The following DNAAF4 variants were observed in gnomAD, a reference collection of about 807,000 sequenced individuals.
DNAAF4 encodes dynein assembly factor 4, axonemal.
A neutral mutation model predicts 51.8 loss-of-function variants in DNAAF4; 43 were observed. The observed-to-expected ratio is 0.83, with a 90% confidence interval of 0.65 to 1.07. The LOEUF (loss-of-function observed/expected upper bound fraction) is 1.07, where lower values mean the gene tolerates loss of function less well. Ranked by LOEUF, DNAAF4 falls within the 50% of genes least tolerant of loss-of-function variation. The probability of loss-of-function intolerance (pLI) is 0.00; values close to 1 mark genes in which losing one functional copy is unlikely to be tolerated. For synonymous variants in DNAAF4, 194 were observed against 165.6 expected, an observed-to-expected ratio of 1.17 and a Z score of -1.32; for missense variants, 581 against 493.0, an observed-to-expected ratio of 1.18 and a Z score of -1.69.
chr15:55,471,269 C>T (rs2058251433), intron 4 of DNAAF4, among the ~76,000 whole-genome samples: 1 of 152,078 alleles, frequency 6.6e-6, no homozygotes, highest in Admixed American at 6.6e-5. Flanking sequence ...CAGCCACCAC[C>T]CAAGAGCCCA....
chr15:55,495,456 G>T (rs1011469606), intron 3 of DNAAF4, among the ~76,000 whole-genome samples: 1 of 152,120 alleles, frequency 6.6e-6, no homozygotes, highest in South Asian at 2.1e-4. Context: ...CCAGGCAGTA[G>T]TCTGGGTGCA....
Position 55,466,947 on chromosome 15 carries a change from C to G in DNAAF4, c.620G>C (p.Arg207Thr). The G allele has an allele frequency of 6.3e-7, 1 of 1,584,176 alleles. No homozygotes were observed. ...CATTTTACCTTTTGGAGCAAGATTT[C>G]TAGATGCCAAATTTCTAGTAAGACT... is the stretch of plus-strand genomic sequence containing the variant. Reference protein sequence around the residue: ...YKSLTRNLASRNLAPKGRNSE... With the variant: ...YKSLTRNLASTNLAPKGRNSE... The change falls in exon 5 of 10, where the codon AGA becomes ACA. Residue 207 changes from arginine (R) to threonine (T), a missense_variant. By Grantham distance (71) the Arg-to-Thr change is moderately conservative. Transcript: ENST00000321149.
Position 55,497,726 on chromosome 15 carries a change from A to T in DNAAF4, c.257T>A (p.Leu86His), listed in dbSNP as rs745719046. 2.5e-6 allele frequency: 4 copies of T among 1,608,638 alleles called. No individual in the cohort carries two copies. The highest frequency in any genetic ancestry group is 1.7e-5 in the Admixed American group (1 of 58,506). ...YKKEAAMWET[L>H]SVTGVDKEMM... Reference sequence around the variant, plus strand: ...AAAGAACTTACCACCCGTCACAGAAAGGGTCTCCCACATGGCCGCTTCTTT... The same window carrying T: ...AAAGAACTTACCACCCGTCACAGAATGGGTCTCCCACATGGCCGCTTCTTT... Residue 86 changes from leucine to histidine, a missense_variant, in exon 3 of 10, where the codon CTT (leucine) becomes CAT (histidine). Leu to His is a moderately conservative substitution (Grantham distance 99). Transcript: ENST00000321149.
intron 7 of DNAAF4, chr15:55,418,157 C>T (rs751635011): frequency 6.4e-7 from 1 of 1,565,104 alleles, no homozygotes; most frequent in Non-Finnish European, 8.6e-7. Context: ...GTGGGTGGGA[C>T]TGAATTAAAT....
chr15:55,428,498 T>TC (rs1566997213), downstream of DNAAF4, among the ~76,000 whole-genome samples: 1 of 134,618 alleles, frequency 7.4e-6, no homozygotes, highest in Non-Finnish European at 1.6e-5. Context: ...TTTTTTTTTT[T>TC]TTTTTTTTTT....
chr15:55,436,902 C>A (rs779046539), intron 7 of DNAAF4, among the ~76,000 whole-genome samples: 1 of 152,018 alleles, frequency 6.6e-6, no homozygotes, highest in Non-Finnish European at 1.5e-5. Flanking sequence ...TTCACCGCAA[C>A]CTCCACCTCC....
intron 4 of DNAAF4, among the ~76,000 whole-genome samples, chr15:55,482,811 CA>C (rs1358348699): frequency 6.6e-6 from 1 of 152,154 alleles, no homozygotes; most frequent in Non-Finnish European, 1.5e-5. Context: ...AATGGATAAA[CA>C]AAATGTGGTG....
At chr15:55,454,472 G>A (rs938884051) in intron 5 of DNAAF4, among the ~76,000 whole-genome samples, 1 of 151,836 alleles carries the variant, frequency 6.6e-6, no homozygotes, top group Admixed American at 6.6e-5. Context: ...CTGCCTCCCG[G>A]GTTCAAGCAA....
At chr15:55,492,002 G>A (rs191591417) in intron 3 of DNAAF4, among the ~76,000 whole-genome samples, 441 of 150,774 alleles carry the variant, frequency 2.9e-3, no homozygotes, top group African/African-American at 0.01. Context: ...GACTACAGGT[G>A]TGTGCCAACA....
chr15:55,467,918 T>C (rs947268955), intron 4 of DNAAF4, among the ~76,000 whole-genome samples: 1 of 152,130 alleles, frequency 6.6e-6, no homozygotes, highest in Admixed American at 6.6e-5. Context: ...GAGTACCTAG[T>C]TGGTGTACAT....
At chr15:55,442,635 T>A in intron 6 of DNAAF4, 1 of 1,527,588 alleles carries the variant, frequency 6.5e-7, no homozygotes, top group South Asian at 1.1e-5. Context: ...CAGCTCTTTA[T>A]GTCAGACTTT....
intron 5 of DNAAF4, among the ~76,000 whole-genome samples, chr15:55,460,141 A>G (rs933664340): frequency 2.0e-5 from 3 of 151,320 alleles, no homozygotes; most frequent in Non-Finnish European, 2.9e-5. Context: ...TGCACCTAAC[A>G]CTAGAACTCT....
At chr15:55,479,788 G>T (rs963023103) in intron 4 of DNAAF4, among the ~76,000 whole-genome samples, 1 of 152,070 alleles carries the variant, frequency 6.6e-6, no homozygotes, top group Non-Finnish European at 1.5e-5. Flanking sequence ...TTGAGATAAG[G>T]ACTGAGATAC....
chr15:55,440,683 A>G (rs1415396768), intron 6 of DNAAF4, among the ~76,000 whole-genome samples: 4 of 5,438 alleles, frequency 7.4e-4, no homozygotes, highest in Non-Finnish European at 3.9e-3. Context: ...ATACATTATT[A>G]AACTTTTTTT....
At chr15:55,465,484 C>T (rs1238887325) in intron 5 of DNAAF4, among the ~76,000 whole-genome samples, 2 of 151,532 alleles carry the variant, frequency 1.3e-5, no homozygotes, top group Admixed American at 6.6e-5. Context: ...ATGGCATTCT[C>T]GGCAACCTGG....
chr15:55,497,589 G>C (rs2058657523), intron 3 of DNAAF4, 123 bp downstream of exon 3: 1 of 1,162,880 alleles, frequency 8.6e-7, no homozygotes, highest in Non-Finnish European at 1.2e-6. Context: ...GACAGAGCAA[G>C]ACTCTTAAAA....
intron 4 of DNAAF4, among the ~76,000 whole-genome samples, chr15:55,472,337 C>T (rs1416376542): frequency 6.6e-6 from 1 of 151,980 alleles, no homozygotes; most frequent in Admixed American, 6.6e-5. Context: ...GGACTGGAGG[C>T]CCGGGGGCAG....
chr15:55,449,114 C>T (rs547057363), intron 6 of DNAAF4, among the ~76,000 whole-genome samples: 8 of 150,156 alleles, frequency 5.3e-5, no homozygotes, highest in African/African-American at 1.9e-4. Context: ...CTCAGCCTCC[C>T]GAGTAGCTGG....
Position 55,501,159 on chromosome 15 carries a change from G to A in DNAAF4, c.-255-2575C>T, listed in dbSNP as rs573827226. 6.5e-4 allele frequency among the ~76,000 whole-genome samples: 98 copies of A among 150,744 alleles called. 1 individual carries two copies. The highest frequency in any genetic ancestry group is 2.4e-3 in the East Asian group (12 of 4,922). On this transcript the variant is annotated intron_variant, in intron 1 of 9. Transcript: ENST00000321149. ...GCTCACTGCAACCTCCACCTCCGGG[G>A]TTCAAGCGATTCTCCTGCCTCAGCC...
Sources: gnomAD v4.1 joint callset for allele counts (sites outside exome capture counted in the v4.1 genomes callset) on GRCh38, gnomAD v4.1.1 for gene constraint, MANE v1.5 for transcripts, NCBI Gene and HGNC (gene_info 2026-07-23, HGNC 2026-07-21) for gene names.